Variants in TDRD1 observed in about 807,000 individuals in gnomAD.
TDRD1 encodes tudor domain-containing protein 1.
In TDRD1, 37 loss-of-function variants were observed where a neutral mutation model predicts 140.6. The ratio of observed to expected loss-of-function variants is 0.26; its 90% confidence interval spans 0.20 to 0.35. TDRD1 has a LOEUF of 0.35. Among genes scored for constraint, TDRD1 ranks in the 10% least tolerant of loss-of-function variants. TDRD1 has a pLI of 1.00. For synonymous variants in TDRD1, 506 were observed against 475.7 expected, an observed-to-expected ratio of 1.06 and a Z score of -0.83; for missense variants, 1,243 against 1,393.0, an observed-to-expected ratio of 0.89 and a Z score of 1.71.
At chr10:114,195,012 G>A (rs2034248818) in intron 3 of TDRD1, among the ~76,000 whole-genome samples, 1 of 150,488 alleles carries the variant, frequency 6.6e-6, no homozygotes, top group Admixed American at 6.6e-5. Flanking sequence ...CTCCCACCTT[G>A]GCTTCCCAAA....
rs2036333060 is a variant in TDRD1 at position 114,224,652 on chromosome 10, TCA to T, written c.3008-1394_3008-1393del. ...TTTTAAATTTAGGTTTTCATTTCTATCACATTTTTAATTTCAATAGCTTTTTT... is the reference window on the plus strand; with the variant it reads ...TTTTAAATTTAGGTTTTCATTTCTATCATTTTTAATTTCAATAGCTTTTTT... On this transcript the variant is annotated intron_variant, in intron 21 of 25. Transcript: ENST00000251864. Among the ~76,000 whole-genome samples the T allele has an allele frequency of 3.3e-5, 5 of 152,214 alleles. No individual in the cohort carries two copies. The South Asian group carries it at 8.3e-4, about 25-fold the overall frequency.
chr10:114,196,816 T>C (rs1054094731), intron 3 of TDRD1, among the ~76,000 whole-genome samples: 11 of 147,390 alleles, frequency 7.5e-5, no homozygotes, highest in South Asian at 2.1e-4. Flanking sequence ...CTACCAAATT[T>C]GGAAGTTTCT....
chr10:114,180,764 A>C (rs2032988400), intron 1 of TDRD1, among the ~76,000 whole-genome samples: 1 of 152,226 alleles, frequency 6.6e-6, no homozygotes, highest in African/African-American at 2.4e-5. Flanking sequence ...GCGCCCAGCC[A>C]AAACCGGAGT....
intron 21 of TDRD1, among the ~76,000 whole-genome samples, chr10:114,224,260 T>C (rs1309393062): frequency 6.6e-6 from 1 of 152,256 alleles, no homozygotes. Flanking sequence ...TTATTGTGTT[T>C]TAGCTATTGG....
intron 4 of TDRD1, among the ~76,000 whole-genome samples, chr10:114,200,606 C>T (rs960626505): frequency 2.6e-5 from 4 of 152,162 alleles, no homozygotes; most frequent in African/African-American, 4.8e-5. Context: ...CTCACTGGCA[C>T]TCTGCCTCCT....
intron 2 of TDRD1, among the ~76,000 whole-genome samples, chr10:114,188,721 G>A (rs2120189055): frequency 6.6e-6 from 1 of 152,194 alleles, no homozygotes; most frequent in Middle Eastern, 3.4e-3. Flanking sequence ...GCCGGGCGTG[G>A]TGGCACAAGC....
At chr10:114,179,368 C>CGG (rs761370151) in exon 1 of TDRD1, 146 of 152,708 alleles carry the variant, frequency 9.6e-4, no homozygotes, top group Non-Finnish European at 6.6e-4. Flanking sequence ...CCATCACCGC[C>CGG]AGACCGCAGA....
intron 1 of TDRD1, among the ~76,000 whole-genome samples, chr10:114,180,272 C>T (rs1299644410): frequency 6.6e-6 from 1 of 152,174 alleles, no homozygotes; most frequent in African/African-American, 2.4e-5. Context: ...CTTCGTCTCT[C>T]ATTTAATTCT....
At chr10:114,191,018 T>A (rs2033922317) in exon 3 of TDRD1, 1 of 1,613,602 alleles carries the variant, frequency 6.2e-7, no homozygotes, top group African/African-American at 1.3e-5. Context: ...GAAGTGAATA[T>A]TGTAAGTTAT....
At chr10:114,219,087 T>C (rs2035983340) in intron 18 of TDRD1, among the ~76,000 whole-genome samples, 1 of 152,200 alleles carries the variant, frequency 6.6e-6, no homozygotes, top group Admixed American at 6.5e-5. Flanking sequence ...CACTCAAAGT[T>C]CTACATGTTT....
At chr10:114,201,164 CT>C (rs1485222260) in intron 4 of TDRD1, among the ~76,000 whole-genome samples, 1 of 152,040 alleles carries the variant, frequency 6.6e-6, no homozygotes, top group African/African-American at 2.4e-5. Context: ...CCGCTTGCTG[CT>C]TTTATAACAT....
intron 1 of TDRD1, among the ~76,000 whole-genome samples, chr10:114,182,676 T>C (rs2033172675): frequency 1.3e-5 from 2 of 150,670 alleles, no homozygotes; most frequent in South Asian, 4.2e-4. Context: ...AAATAGTTTT[T>C]ATCATACGAA....
In TDRD1 at chr10:114,199,091, T is replaced by A. The variant is rs111775023; in HGVS notation, c.385-82T>A. 2,945 of 1,444,448 alleles carry A rather than the reference T, an allele frequency of 2.0e-3. 44 individuals carry two copies. In the African/African-American group the frequency reaches 0.038, roughly 19 times the overall value. 89.5% of individuals were successfully genotyped at this position (1,444,448 alleles called of 1,614,324 possible). ...AAGGAAAAGTACATCTACTTGATCTTATCTGAAGTAGTCCCAAATCTAGTA... is the reference window on the plus strand; with the variant it reads ...AAGGAAAAGTACATCTACTTGATCTAATCTGAAGTAGTCCCAAATCTAGTA... On this transcript the variant is annotated intron_variant, in intron 3 of 25. Coordinates refer to ENST00000251864, the Ensembl canonical transcript of TDRD1.
In TDRD1 at chr10:114,221,352, T is replaced by G; in HGVS notation, c.2771-5T>G. The G allele has an allele frequency of 6.2e-7, 1 of 1,612,764 alleles. No homozygotes were observed. The highest frequency in any genetic ancestry group is 8.5e-7 in the Non-Finnish European group (1 of 1,179,302). ...GTGTGAGACCTGTGTTTTGTATGTT[T>G]CCAGCTACCTCTTCAGCTGAGCAAT... On this transcript the variant is annotated splice_polypyrimidine_tract_variant and splice_region_variant and intron_variant, in intron 19 of 25. Transcript: ENST00000251864.
intron 3 of TDRD1, among the ~76,000 whole-genome samples, chr10:114,195,010 T>G (rs2034248623): frequency 6.6e-6 from 1 of 151,244 alleles, no homozygotes; most frequent in Admixed American, 6.6e-5. Context: ...TCCTCCCACC[T>G]TGGCTTCCCA....
Position 114,217,670 on chromosome 10 carries a change from A to G in TDRD1, c.2323+15A>G. On this transcript the variant is annotated intron_variant, in intron 17 of 25. Coordinates refer to ENST00000251864, the Ensembl canonical transcript of TDRD1. ...TTTTTTTGCAGGTAAGTTGCAATTGATGCAATCTTGACTTTTAGAACCTTA... is the reference window on the plus strand; with the variant it reads ...TTTTTTTGCAGGTAAGTTGCAATTGGTGCAATCTTGACTTTTAGAACCTTA... 23 of 1,388,732 alleles carry G rather than the reference A, an allele frequency of 1.7e-5. No individual in the cohort carries two copies. The highest frequency in any genetic ancestry group is 2.3e-5 in the Non-Finnish European group (23 of 982,424). The allele number at this position is 1,388,732 out of a possible 1,614,324, so 86.0% of individuals were successfully genotyped here. A position where few individuals can be genotyped will look rare whatever the true frequency, so the allele number is the denominator to read the frequency against.
intron 10 of TDRD1, among the ~76,000 whole-genome samples, chr10:114,205,482 A>G (rs1044189394): frequency 1.3e-5 from 2 of 152,188 alleles, no homozygotes; most frequent in African/African-American, 2.4e-5. Context: ...GCTATGTTTC[A>G]TGTTACAATC....
exon 12 of TDRD1, chr10:114,210,656 T>C (rs892911474): frequency 1.2e-6 from 2 of 1,612,834 alleles, no homozygotes; most frequent in Non-Finnish European, 1.7e-6. Context: ...ATCCCAAAAG[T>C]GTTAACTTTG....
chr10:114,192,565 C>T (rs151142966), intron 3 of TDRD1, among the ~76,000 whole-genome samples: 1 of 152,154 alleles, frequency 6.6e-6, no homozygotes, highest in East Asian at 1.9e-4. Flanking sequence ...CTCGGCCTCG[C>T]AAAGTGCTAG....
Sources: gnomAD v4.1 joint callset for allele counts (sites outside exome capture counted in the v4.1 genomes callset) on GRCh38, gnomAD v4.1.1 for gene constraint, MANE v1.5 for transcripts, NCBI Gene and HGNC (gene_info 2026-07-23, HGNC 2026-07-21) for gene names.